Variants in LAMB2 observed in about 807,000 individuals in gnomAD.
LAMB2 encodes laminin subunit beta 2.
LAMB2 carries 119 observed loss-of-function variants against 202.7 expected under a neutral mutation model. The observed-to-expected ratio is 0.59, with a 90% CI of 0.51 to 0.68. The LOEUF is 0.68. Among genes scored for constraint, LAMB2 ranks in the 30% least tolerant of loss-of-function variants. The pLI, the probability that LAMB2 is intolerant of heterozygous loss-of-function variation, is 0.00. For missense variants in LAMB2, 2,124 were observed against 2,410.6 expected (o/e 0.88, Z 2.49); for synonymous variants, 818 against 902.2 (o/e 0.91, Z 1.67).
rs1001792631 is a variant in LAMB2, at chr3:49,124,427, G to C, written c.3295C>G (p.Pro1099Ala). The part of the protein sequence containing the change: ...GHGCQPCACH[P>A]SRARGPTCNE... The stretch of plus-strand genomic sequence containing the variant: ...CAGGTGGGGCCTCTGGCCCGGCTTG[G>C]GTGGCAGGCACAAGGCTGGCAACCA... Residue 1099 changes from proline (P) to alanine (A), a missense_variant, in exon 22 of 32, where the codon CCA becomes GCA. By Grantham distance (27) the Pro-to-Ala change is conservative (BLOSUM62 -1). This residue lies in a region of LAMB2 where 1,702 missense variants were observed against 1,896.3 expected (regional missense o/e 0.90). Transcript: ENST00000305544. The C allele has an allele frequency of 2.5e-6, 4 of 1,613,522 alleles. No individual in the cohort carries two copies. The African/African-American group carries it at 5.3e-5, about 22-fold the overall frequency.
At position 49,123,647 on chromosome 3, in the gene LAMB2, G is replaced by C. The variant is rs373780035; in HGVS notation, c.3798-16C>G. The C allele has an allele frequency of 1.2e-6, 2 of 1,614,054 alleles. No homozygotes were observed. Among genetic ancestry groups the C allele is most frequent in the Non-Finnish European group, 1.7e-6 (2 of 1,180,036 alleles). ...AATTTCACGCCTGCAATGATGGAGA[G>C]GGGGGTGTTTAGAGAGGCTTCAGCC... On this transcript the variant is annotated splice_polypyrimidine_tract_variant and intron_variant, in intron 24 of 31. Coordinates refer to ENST00000305544, the MANE Select transcript of LAMB2 (RefSeq NM_002292.4).
rs761777823 is a variant in LAMB2 at position 49,130,366 on chromosome 3, G to A, written c.1090C>T (p.Leu364=). Residue 364 remains leucine (L), a synonymous_variant, in exon 9 of 32, where the codon CTG becomes TTG. Transcript: ENST00000305544. This position sits in a 1 kb window ranked among gnomAD's most constrained non-coding sequence, Gnocchi z 5.0. Reference sequence around the variant, plus strand: ...CCTCCACTCACATTGCCAGATGCCAGGTATACGGCCATGTCGAAGTGGCAG... The same window carrying A: ...CCTCCACTCACATTGCCAGATGCCAAGTATACGGCCATGTCGAAGTGGCAG... ...HSCHFDMAVY[L]ASGNVSGGVC... 1 of 1,614,156 alleles carries A rather than the reference G, an allele frequency of 6.2e-7. No individual in the cohort carries two copies. The highest frequency in any genetic ancestry group is 1.7e-5 in the Admixed American group (1 of 60,034).
At position 49,122,172 on chromosome 3, in the gene LAMB2, CG is replaced by C. The variant is rs1560067581; in HGVS notation, c.4771del (p.Arg1591GlyfsTer63). The C allele has an allele frequency of 6.2e-7, 1 of 1,613,604 alleles. No individual in the cohort carries two copies. Among genetic ancestry groups the C allele is most frequent in the South Asian group, 1.1e-5 (1 of 91,086 alleles). On this transcript the variant is annotated frameshift_variant, in exon 28 of 32. Transcript: ENST00000305544. LOFTEE classifies it high-confidence loss of function. ...AGGGATGGGGTCAGACCTTGCCCGCCGTGCATCCTGCAGTAGCTGCTCGGCA... is the reference window on the plus strand; with the variant it reads ...AGGGATGGGGTCAGACCTTGCCCGCCTGCATCCTGCAGTAGCTGCTCGGCA... ...RRAEQLLQDA[R>X]RARSWAEDEK...
At position 49,121,818 on chromosome 3, in the gene LAMB2, C is replaced by A. The variant is rs776103623; in HGVS notation, c.4966G>T (p.Ala1656Ser). Residue 1656 changes from alanine to serine, a missense_variant, in exon 30 of 32, where the codon GCA becomes TCA. Coordinates refer to ENST00000305544, the MANE Select transcript of LAMB2 (RefSeq NM_002292.4). ...MAGAERALSS[A>S]GERARQLDAL... is the part of the protein sequence containing the mutation. ...TCCAACTGCCGAGCCCTTTCACCTG[C>A]AGAGCTCAGTGCCCGCTCTGCACCT... 3 of 1,613,126 alleles carry A rather than the reference C, an allele frequency of 1.9e-6. No homozygotes were observed. Among genetic ancestry groups the A allele is most frequent in the South Asian group, 1.1e-5 (1 of 91,080 alleles).
Position 49,121,560 on chromosome 3 carries a change from C to T in LAMB2, c.5133G>A (p.Gln1711=). 2 of 1,614,040 alleles carry T rather than the reference C, an allele frequency of 1.2e-6. No individual in the cohort carries two copies. The highest frequency in any genetic ancestry group is 1.7e-6 in the Non-Finnish European group (2 of 1,180,046). ...LLRGPLGDQY[Q]TVKALAERKA... ...TGCGCTCAGCTAGGGCCTTCACCGT[C>T]TGGTACTGATCACCCAGAGGACCGC... The change falls in exon 31 of 32, where the codon CAG becomes CAA. Residue 1711 remains glutamine (Q), a synonymous_variant. Transcript: ENST00000305544.
Position 49,121,183 on chromosome 3 carries a change from A to G in LAMB2, c.*43T>C, listed in dbSNP as rs1009160325. 1.9e-6 allele frequency: 3 copies of G among 1,610,792 alleles called. No individual in the cohort carries two copies. The highest frequency in any genetic ancestry group is 2.3e-4 in the Middle Eastern group (1 of 4,440). On this transcript the variant is annotated 3_prime_UTR_variant, in exon 32 of 32. Coordinates refer to ENST00000305544, the MANE Select transcript of LAMB2 (RefSeq NM_002292.4). ...CTCTTCAGTGCATAGGCAGACATGCATGTGGGGCAGTGCTAGGAACTGGGG... is the reference window on the plus strand; with the variant it reads ...CTCTTCAGTGCATAGGCAGACATGCGTGTGGGGCAGTGCTAGGAACTGGGG...
chr3:49,130,745 C>T lies in LAMB2; in HGVS notation c.1031G>A (p.Cys344Tyr). 1 of 1,614,006 alleles carries T rather than the reference C, an allele frequency of 6.2e-7. No homozygotes were observed. The highest frequency in any genetic ancestry group is 1.3e-5 in the African/African-American group (1 of 75,068). The change falls in exon 8 of 32, where the codon TGT (cysteine) becomes TAT (tyrosine). Residue 344 changes from cysteine to tyrosine, a missense_variant. Cys to Tyr is a radical substitution (Grantham distance 194). Around this residue, in one of 3 missense-constraint regions of LAMB2, gnomAD observed 256 missense variants for 356.1 expected, o/e 0.72. Coordinates refer to ENST00000305544, the MANE Select transcript of LAMB2 (RefSeq NM_002292.4). This position sits in a 1 kb window ranked among gnomAD's most constrained non-coding sequence, Gnocchi z 5.0. Reference protein sequence around the residue: ...RPAEDGHSHACRKCECHGHTH... With the variant: ...RPAEDGHSHAYRKCECHGHTH... ...GAGGCCAAGATCTCACTCACTCCTA[C>T]AGGCATGACTATGGCCGTCCTCAGC...
At chr3:49,123,678 C>A in intron 24 of LAMB2, 47 bp from the exon 25 acceptor site, 1 of 1,613,762 alleles carries the variant, frequency 6.2e-7, no homozygotes. Context: ...CAGCCCTGGT[C>A]CACTGGGCCT....
Position 49,130,032 on chromosome 3 carries a change from G to C in LAMB2, c.1226-14C>G, listed in dbSNP as rs752516514. ...CACAATCACAGGCTGACGGCAAAAA[G>C]AGATACAGGGTCACTCACCCTATCT... is the stretch of plus-strand genomic sequence containing the variant. On this transcript the variant is annotated splice_polypyrimidine_tract_variant and intron_variant, in intron 9 of 31. Coordinates refer to ENST00000305544, the MANE Select transcript of LAMB2 (RefSeq NM_002292.4). The surrounding 1 kb of genome is among the most constrained non-coding windows in gnomAD (Gnocchi z 5.0). 6.2e-7 allele frequency: 1 copy of C among 1,613,436 alleles called. No homozygotes were observed. The highest frequency in any genetic ancestry group is 1.1e-5 in the South Asian group (1 of 91,060).
rs768251178 is a variant in LAMB2, at chr3:49,125,394, C to T, written c.2579G>A (p.Arg860His). ...CLCRTGAFGLRCDRCQRGQWG... is the reference protein window; with the variant it reads ...CLCRTGAFGLHCDRCQRGQWG... ...CTGGCCACGCTGGCAGCGGTCACAG[C>T]GAAGCCCAAAGGCACCAGTTCGACA... Residue 860 changes from arginine to histidine, a missense_variant, in exon 19 of 32, where the codon CGC becomes CAC. Arg to His is a conservative substitution (Grantham distance 29). Coordinates refer to ENST00000305544, the MANE Select transcript of LAMB2 (RefSeq NM_002292.4). 46 of 1,613,932 alleles carry T rather than the reference C, an allele frequency of 2.9e-5. No individual in the cohort carries two copies. Among genetic ancestry groups the T allele is most frequent in the Non-Finnish European group, 3.7e-5 (44 of 1,180,054 alleles).
intron 24 of LAMB2, 36 bp from the exon 25 acceptor site, chr3:49,123,667 T>C (rs1166870856): frequency 6.2e-7 from 1 of 1,613,728 alleles, no homozygotes; most frequent in East Asian, 2.2e-5. Flanking sequence ...TAGAGAGGCT[T>C]CAGCCCTGGT....
chr3:49,124,960 G>T, intron 20 of LAMB2, 35 bp from the exon 21 acceptor site: 1 of 1,613,922 alleles, frequency 6.2e-7, no homozygotes, highest in Non-Finnish European at 8.5e-7. Context: ...TGAGTGCTCA[G>T]CCCAGCCAAC....
rs2045406603 is a variant in LAMB2, at chr3:49,125,734, G to A, written c.2488+13C>T. On this transcript the variant is annotated intron_variant, in intron 18 of 31. Coordinates refer to ENST00000305544, the MANE Select transcript of LAMB2 (RefSeq NM_002292.4). ...GAGAGAAGCATAGGAGGGAACAAGG[G>A]GCAGAAGAGTACCTTGACAGCCTGT... The A allele has an allele frequency of 6.2e-7, 1 of 1,613,170 alleles. No homozygotes were observed. Among genetic ancestry groups the A allele is most frequent in the Non-Finnish European group, 8.5e-7 (1 of 1,179,466 alleles).
chr3:49,122,142 G>A (rs2045304592), intron 28 of LAMB2, 21 bp downstream of exon 28: 2 of 1,613,398 alleles, frequency 1.2e-6, no homozygotes, highest in South Asian at 2.2e-5. Flanking sequence ...TCAGGGATAG[G>A]GGCCAGGGAT....
chr3:49,122,288 G>A lies in LAMB2; in HGVS notation c.4656C>T (p.Ile1552=). The part of the protein sequence containing the change: ...ELSIPASAEQ[I]QHLAGAIAER... The stretch of plus-strand genomic sequence containing the variant: ...CTGCAATCGCACCCGCCAGGTGCTG[G>A]ATCTGCTCAGCTGAAGCTGGGATGG... The change falls in exon 28 of 32, where the codon ATC becomes ATT. Residue 1552 remains isoleucine, a synonymous_variant. Coordinates refer to ENST00000305544, the MANE Select transcript of LAMB2 (RefSeq NM_002292.4). 2 of 1,613,586 alleles carry A rather than the reference G, an allele frequency of 1.2e-6. No homozygotes were observed. The highest frequency in any genetic ancestry group is 1.7e-6 in the Non-Finnish European group (2 of 1,180,034).
rs754016806 is a variant in LAMB2 at position 49,129,798 on chromosome 3, G to A, written c.1405+41C>T. The A allele has an allele frequency of 8.7e-6, 14 of 1,611,916 alleles. No individual in the cohort carries two copies. The highest frequency in any genetic ancestry group is 1.2e-5 in the Non-Finnish European group (14 of 1,178,384). On this transcript the variant is annotated intron_variant, in intron 10 of 31. Transcript: ENST00000305544. This position sits in a 1 kb window ranked among gnomAD's most constrained non-coding sequence, Gnocchi z 6.1. ...GCTGAGTCAGGAGTAAGAGGACAGG[G>A]GTTAAAGGTCAGCATAGAAGTTAGG...
chr3:49,122,060 T>C lies in LAMB2; in HGVS notation c.4807A>G (p.Lys1603Glu). Residue 1603 changes from lysine (K) to glutamate (E), a missense_variant, in exon 29 of 32, where the codon AAG becomes GAG. Transcript: ENST00000305544. ...AGTGCTGCCTGTACTGTCTCTGCCT[T>C]CTGTTTCTCATCCTCAGCCCAGCTC... The part of the protein sequence containing the change: ...ARSWAEDEKQ[K>E]AETVQAALEE... The C allele has an allele frequency of 1.9e-6, 3 of 1,613,580 alleles. No individual in the cohort carries two copies. Among genetic ancestry groups the C allele is most frequent in the Non-Finnish European group, 2.5e-6 (3 of 1,180,012 alleles).
Position 49,124,423 on chromosome 3 carries a change from C to T in LAMB2, c.3299G>A (p.Ser1100Asn), listed in dbSNP as rs1398492394. 6.2e-7 allele frequency: 1 copy of T among 1,613,630 alleles called. No homozygotes were observed. ...HGCQPCACHPSRARGPTCNEF... is the reference protein window; with the variant it reads ...HGCQPCACHPNRARGPTCNEF... ...GTTGCAGGTGGGGCCTCTGGCCCGG[C>T]TTGGGTGGCAGGCACAAGGCTGGCA... Residue 1100 changes from serine (S) to asparagine (N), a missense_variant, in exon 22 of 32, where the codon AGC (serine) becomes AAC (asparagine). By Grantham distance (46) the Ser-to-Asn change is conservative. Around this residue, in one of 3 missense-constraint regions of LAMB2, gnomAD observed 1,702 missense variants for 1,896.3 expected, o/e 0.90. Coordinates refer to ENST00000305544, the MANE Select transcript of LAMB2 (RefSeq NM_002292.4).
intron 18 of LAMB2, 98 bp from the exon 19 acceptor site, chr3:49,125,582 A>T: frequency 7.3e-7 from 1 of 1,379,192 alleles, no homozygotes; most frequent in Non-Finnish European, 1.0e-6. Context: ...GTGGGAGTCT[A>T]GGTGGGAAGG....
Sources: gnomAD v4.1 joint callset for allele counts on GRCh38, gnomAD v4.1.1 for gene constraint, gnomAD v4.1.1 regional missense constraint, Gnocchi (gnomAD v3.1) non-coding constraint, MANE v1.5 for transcripts, NCBI Gene and HGNC (gene_info 2026-07-23, HGNC 2026-07-21) for gene names.